Variants in LYST observed in about 807,000 individuals in gnomAD.
LYST encodes the protein lysosomal trafficking regulator.
In LYST, 192 loss-of-function variants were observed where a neutral mutation model predicts 413.6. The ratio of observed to expected loss-of-function variants is 0.46; its 90% CI spans 0.41 to 0.52. The LOEUF is 0.52. Among genes scored for constraint, LYST ranks in the 20% least tolerant of loss-of-function variants. The pLI is 0.00. For missense variants in LYST, 3,815 were observed against 4,499.9 expected (o/e 0.85, Z 4.35); for synonymous variants, 1,525 against 1,567.3 (o/e 0.97, Z 0.64).
At position 235,686,506 on chromosome 1, in the gene LYST, T is replaced by C. The variant is rs1469291643; in HGVS notation, c.10800+443A>G. On this transcript the variant is annotated intron_variant, in intron 48 of 52. Transcript: ENST00000389793. The surrounding 1 kb of genome is among the most constrained non-coding windows in gnomAD (Gnocchi z 4.0). ...GGGAGTTCAGTGAATGGCTGAAAAATAATAAAATTTCTTCCAGTAAGTGGT... is the reference window on the plus strand; with the variant it reads ...GGGAGTTCAGTGAATGGCTGAAAAACAATAAAATTTCTTCCAGTAAGTGGT... 1.3e-5 allele frequency among the ~76,000 whole-genome samples: 2 copies of C among 152,180 alleles called. No individual in the cohort carries two copies. The highest frequency in any genetic ancestry group is 1.3e-4 in the Admixed American group (2 of 15,274).
Position 235,684,461 on chromosome 1 carries a change from G to C in LYST, c.10800+2488C>G, listed in dbSNP as rs149803155. 5.0e-4 allele frequency among the ~76,000 whole-genome samples: 76 copies of C among 152,290 alleles called. No homozygotes were observed. In the East Asian group the frequency reaches 9.6e-3, roughly 19 times the overall value. ...CAGGGTTTAGAATCGATTTGTAGGG[G>C]AAGTCAGAAAGGGGAGCTCAGAAGA... On this transcript the variant is annotated intron_variant, in intron 48 of 52. Coordinates refer to ENST00000389793, the MANE Select transcript of LYST (RefSeq NM_000081.4).
chr1:235,835,474 G>A (rs145208920), intron 1 of LYST, among the ~76,000 whole-genome samples: 2 of 152,200 alleles, frequency 1.3e-5, no homozygotes, highest in East Asian at 3.9e-4. Context: ...TTCTCTTATC[G>A]AGGGACATTT....
chr1:235,821,435 A>T (rs1315843614), intron 3 of LYST, among the ~76,000 whole-genome samples: 1 of 152,040 alleles, frequency 6.6e-6, no homozygotes. Flanking sequence ...TTTTTTTCTG[A>T]GACCCTGCCT....
Position 235,706,788 on chromosome 1 carries a change from C to G in LYST, c.10143+2303G>C, listed in dbSNP as rs116144545. On this transcript the variant is annotated intron_variant, in intron 44 of 52. Transcript: ENST00000389793. ...GAATAATTAGGAAGCCTATCTTATT[C>G]TCTTTTCTAGATTATAAATCTCTTA... Among the ~76,000 whole-genome samples, 784 of 152,178 alleles carry G rather than the reference C, an allele frequency of 5.2e-3. 11 individuals are homozygous for G. Among genetic ancestry groups the G allele is most frequent in the African/African-American group, 0.018 (732 of 41,514 alleles).
chr1:235,842,910 G>A (rs1677375789), intron 1 of LYST, among the ~76,000 whole-genome samples: 1 of 152,110 alleles, frequency 6.6e-6, no homozygotes. Context: ...TCAGTCTTGT[G>A]GATTTTCATG....
chr1:235,802,274 C>G (rs1672332096), intron 8 of LYST, among the ~76,000 whole-genome samples: 1 of 151,176 alleles, frequency 6.6e-6, no homozygotes, highest in Non-Finnish European at 1.5e-5. Context: ...GGAGTCTTGC[C>G]AGAAGTCTCT....
chr1:235,743,117 T>C (rs74148757), intron 30 of LYST, among the ~76,000 whole-genome samples: 8,265 of 152,220 alleles, frequency 0.054, 773 homozygotes, highest in African/African-American at 0.19. Context: ...CCTCTGAAGA[T>C]AAGGGGAAAC....
Position 235,664,737 on chromosome 1 carries a change from T to C in LYST, c.11039-116A>G. On this transcript the variant is annotated intron_variant, in intron 50 of 52. Transcript: ENST00000389793. The surrounding 1 kb of genome is among the most constrained non-coding windows in gnomAD (Gnocchi z 4.5). ...CTCATTTGTTTATTGATGAAGTTTG[T>C]AGACAACCCATGACTGAAGACTGTA... The C allele has an allele frequency of 1.2e-6, 1 of 857,360 alleles. No individual in the cohort carries two copies. Among genetic ancestry groups the C allele is most frequent in the Admixed American group, 1.9e-5 (1 of 51,726 alleles). The allele number at this position is 857,360 out of a possible 1,614,324, so 53.1% of individuals were successfully genotyped here. A position where few individuals can be genotyped will look rare whatever the true frequency, so the allele number is the denominator to read the frequency against.
chr1:235,663,387 T>C (rs986927311), intron 52 of LYST, among the ~76,000 whole-genome samples: 9 of 152,176 alleles, frequency 5.9e-5, no homozygotes, highest in African/African-American at 1.4e-4. Flanking sequence ...CAACAAATAT[T>C]TGGGTGTACA....
intron 17 of LYST, among the ~76,000 whole-genome samples, 183 bp from the exon 18 acceptor site, chr1:235,775,269 A>G (rs1044424282): frequency 6.6e-6 from 1 of 152,198 alleles, no homozygotes; most frequent in Non-Finnish European, 1.5e-5. Context: ...CATAAACTCC[A>G]TGTTCTATAG....
At chr1:235,766,840 T>C (rs1416758290) in intron 20 of LYST, among the ~76,000 whole-genome samples, 1 of 152,118 alleles carries the variant, frequency 6.6e-6, no homozygotes, top group Admixed American at 6.6e-5. Flanking sequence ...ATTAGTAATA[T>C]TAGTATAGGA....
chr1:235,855,659 T>C (rs976443874), intron 1 of LYST, among the ~76,000 whole-genome samples: 1 of 152,156 alleles, frequency 6.6e-6, no homozygotes, highest in African/African-American at 2.4e-5. Flanking sequence ...TATGTAGCTG[T>C]ACTATAATAA....
Position 235,831,741 on chromosome 1 carries a change from C to A in LYST, c.-7-1317G>T, listed in dbSNP as rs999109976. On this transcript the variant is annotated intron_variant, in intron 2 of 52. Transcript: ENST00000389793. ...GAAAGGAGAAAAATATAAAGTGCATCTCTCATTCTAAAATACGGCAATAAC... is the reference window on the plus strand; with the variant it reads ...GAAAGGAGAAAAATATAAAGTGCATATCTCATTCTAAAATACGGCAATAAC... 3.9e-5 allele frequency among the ~76,000 whole-genome samples: 6 copies of A among 151,992 alleles called. No individual in the cohort carries two copies. The South Asian group carries it at 6.2e-4, about 16-fold the overall frequency.
chr1:235,856,084 C>G (rs1177738074), intron 1 of LYST, among the ~76,000 whole-genome samples: 1 of 152,102 alleles, frequency 6.6e-6, no homozygotes, highest in Non-Finnish European at 1.5e-5. Context: ...ACAGGCATTT[C>G]AAATTCCACC....
At chr1:235,690,058 A>T (rs569523376) in intron 47 of LYST, among the ~76,000 whole-genome samples, 1 of 152,362 alleles carries the variant, frequency 6.6e-6, no homozygotes, top group South Asian at 2.1e-4. Context: ...TAGTAATTAA[A>T]GGTGTAAAGA....
At chr1:235,777,489 T>A (rs1329160375) in intron 16 of LYST, among the ~76,000 whole-genome samples, 181 bp from the exon 17 acceptor site, 1 of 152,062 alleles carries the variant, frequency 6.6e-6, no homozygotes, top group African/African-American at 2.4e-5. Flanking sequence ...ACAAAGCAAA[T>A]GGTCAGTGAT....
At chr1:235,746,611 C>T in intron 28 of LYST, 84 bp from the exon 29 acceptor site, 3 of 1,020,300 alleles carry the variant, frequency 2.9e-6, no homozygotes, top group South Asian at 1.4e-5. Context: ...TTTTTGATTA[C>T]CAGACCATGA....
chr1:235,821,425 T>A (rs1674739645), intron 3 of LYST, among the ~76,000 whole-genome samples: 1 of 152,100 alleles, frequency 6.6e-6, no homozygotes, highest in Non-Finnish European at 1.5e-5. Flanking sequence ...TGACAGAGTC[T>A]TTTTTTCTGA....
upstream of LYST, among the ~76,000 whole-genome samples, chr1:235,868,985 G>A (rs941497205): frequency 7.2e-5 from 11 of 152,028 alleles, no homozygotes; most frequent in South Asian, 2.1e-4. Flanking sequence ...ATGAGACACC[G>A]CTCCTGGCCT....
Sources: allele counts gnomAD v4.1 joint callset (sites outside exome capture counted in the v4.1 genomes callset), GRCh38; gene constraint gnomAD v4.1.1; non-coding constraint Gnocchi (gnomAD v3.1); transcripts MANE v1.5; gene names NCBI Gene and HGNC (gene_info 2026-07-23, HGNC 2026-07-21).